The following PM20D2 variants were observed in gnomAD, a reference collection of about 807,000 sequenced individuals.
PM20D2 encodes the protein xaa-Arg dipeptidase.
Under a neutral mutation model 42.9 loss-of-function variants are expected in PM20D2, and 33 were observed. The observed-to-expected ratio is 0.77, with a 90% CI of 0.58 to 1.03. The LOEUF (loss-of-function observed/expected upper bound fraction) is 1.03. PM20D2 is among the 50% of genes least tolerant of loss of function. The pLI, the probability that PM20D2 is intolerant of heterozygous loss-of-function variation, is 0.00. For missense variants in PM20D2, 548 were observed against 557.0 expected, an observed-to-expected ratio of 0.98 and a Z score of 0.16; for synonymous variants, 250 against 228.2, an observed-to-expected ratio of 1.10 and a Z score of -0.86.
chr6:89,131,860 T>G, the PM20D2 span, among the ~76,000 whole-genome samples: 1 of 151,960 alleles, frequency 6.6e-6, no homozygotes, highest in African/African-American at 2.4e-5. Flanking sequence ...TCACTGGCCT[T>G]TTAGTGGGTT....
chr6:89,099,406 ATATATATACATATATATATGTGTG>A, the PM20D2 span, among the ~76,000 whole-genome samples: 747 of 86,768 alleles, frequency 8.6e-3, 29 homozygotes, highest in African/African-American at 0.031. Flanking sequence ...CTCTCTCCAT[ATATATATACATATATATATGTGTG>A]TATATATATA....
chr6:89,149,196 G>C (rs1466674499), intron 1 of PM20D2, 69 bp from the exon 2 acceptor site: 3 of 1,541,580 alleles, frequency 1.9e-6, no homozygotes, highest in Non-Finnish European at 2.6e-6. Context: ...TACATATGCA[G>C]GTGAACCTGT....
At chr6:89,135,027 T>C in the PM20D2 span, among the ~76,000 whole-genome samples, 1 of 150,822 alleles carries the variant, frequency 6.6e-6, no homozygotes, top group African/African-American at 2.5e-5. Context: ...AGGGTACAGG[T>C]GTGGGTCCTT....
chr6:89,099,911 G>A, the PM20D2 span, among the ~76,000 whole-genome samples: 2 of 152,148 alleles, frequency 1.3e-5, no homozygotes, highest in African/African-American at 4.8e-5. Flanking sequence ...ATCAACACAA[G>A]CAGGAAGAAC....
At chr6:89,123,906 G>A in the PM20D2 span, among the ~76,000 whole-genome samples, 1 of 152,000 alleles carries the variant, frequency 6.6e-6, no homozygotes, top group East Asian at 1.9e-4. Context: ...GCATGGTGGA[G>A]TGTGCCTGTA....
rs112975118 is a variant in PM20D2, at chr6:89,146,086, C to T, written c.-59C>T. On this transcript the variant is annotated 5_prime_UTR_variant, in exon 1 of 7. Coordinates refer to ENST00000275072, the MANE Select transcript of PM20D2 (RefSeq NM_001010853.3). ...GCCTCTGGGCGCGTGCGCGGGCGGT[C>T]GCTACCTGCGGCCGAGCCAGGGAGC... 5 of 1,345,780 alleles carry T rather than the reference C, an allele frequency of 3.7e-6. No individual in the cohort carries two copies. The highest frequency in any genetic ancestry group is 4.8e-6 in the Non-Finnish European group (5 of 1,049,124). 83.4% of individuals were successfully genotyped at this position (1,345,780 alleles called of 1,614,324 possible).
chr6:89,102,998 C>T, the PM20D2 span, among the ~76,000 whole-genome samples: 1 of 152,110 alleles, frequency 6.6e-6, no homozygotes, highest in Non-Finnish European at 1.5e-5. Context: ...AATTCCTGGA[C>T]TCAAGTGATC....
chr6:89,148,481 A>G lies in PM20D2; in HGVS notation c.466-784A>G, dbSNP rs1415991491. ...TTTGAAGCAGTTAAGCTTAAATATC[A>G]AAGTAAAATGTTTATTCTGTAAAGT... is the stretch of plus-strand genomic sequence containing the variant. On this transcript the variant is annotated intron_variant, in intron 1 of 6. Transcript: ENST00000275072. The G allele has an allele frequency of 6.6e-6, 6 of 904,292 alleles. No homozygotes were observed. The African/African-American group carries it at 1.1e-4, about 16-fold the overall frequency. The allele number at this position is 904,292 out of a possible 1,614,324, so 56.0% of individuals were successfully genotyped here. A position where few individuals can be genotyped will look rare whatever the true frequency, so the allele number is the denominator to read the frequency against.
the PM20D2 span, chr6:89,117,676 C>A: frequency 2.2e-5 from 16 of 743,134 alleles, no homozygotes; most frequent in Non-Finnish European, 3.9e-6. Context: ...TCCGAGGGCT[C>A]ACACCTCCCC....
the PM20D2 span, among the ~76,000 whole-genome samples, chr6:89,125,276 C>T: frequency 2.0e-5 from 3 of 152,074 alleles, no homozygotes; most frequent in East Asian, 1.9e-4. Context: ...GTCAGGAGAT[C>T]GAGACCATCC....
At chr6:89,134,152 T>C in the PM20D2 span, among the ~76,000 whole-genome samples, 2 of 151,192 alleles carry the variant, frequency 1.3e-5, no homozygotes, top group East Asian at 3.8e-4. Context: ...ACACATTAAA[T>C]GACAAAGGCT....
the PM20D2 span, among the ~76,000 whole-genome samples, chr6:89,124,839 A>G: frequency 6.1e-5 from 9 of 148,044 alleles, no homozygotes; most frequent in Non-Finnish European, 1.3e-4. Context: ...GGACTCAAGC[A>G]ATCCTCCCAC....
intron 4 of PM20D2, 103 bp from the exon 5 acceptor site, chr6:89,158,221 CT>C: frequency 9.9e-7 from 1 of 1,011,366 alleles, no homozygotes; most frequent in South Asian, 1.7e-5. Flanking sequence ...GGGAAAGTAT[CT>C]TCTCTTAAAA....
intron 1 of PM20D2, among the ~76,000 whole-genome samples, chr6:89,147,879 C>T (rs1448374784): frequency 1.3e-5 from 2 of 148,888 alleles, no homozygotes; most frequent in Admixed American, 6.7e-5. Flanking sequence ...GGCAACAGAG[C>T]GAGGCCTCCT....
chr6:89,125,105 G>A, the PM20D2 span, among the ~76,000 whole-genome samples: 1 of 152,132 alleles, frequency 6.6e-6, no homozygotes, highest in African/African-American at 2.4e-5. Context: ...TGACAAAAAT[G>A]TGGAGGATGA....
At chr6:89,135,056 G>T in the PM20D2 span, among the ~76,000 whole-genome samples, 4 of 150,636 alleles carry the variant, frequency 2.7e-5, no homozygotes, top group African/African-American at 5.0e-5. Context: ...ACACCTGCAG[G>T]AGCTGGTAGA....
At chr6:89,099,417 T>TATATATGTGTATATATATACACAC in the PM20D2 span, among the ~76,000 whole-genome samples, 465 of 131,710 alleles carry the variant, frequency 3.5e-3, 13 homozygotes, top group African/African-American at 0.014. Context: ...TATATATACA[T>TATATATGTGTATATATATACACAC]ATATATATGT....
intron 4 of PM20D2, 134 bp from the exon 5 acceptor site, chr6:89,158,191 G>T: frequency 1.3e-6 from 1 of 740,892 alleles, no homozygotes. Context: ...TAAGAGATTT[G>T]AGAGTGTTTA....
At chr6:89,160,014 C>G (rs1418484418) in intron 5 of PM20D2, among the ~76,000 whole-genome samples, 8 of 152,104 alleles carry the variant, frequency 5.3e-5, no homozygotes. Flanking sequence ...GCTCTAGGGT[C>G]TAGTTCCACA....
Sources: allele counts gnomAD v4.1 joint callset (sites outside exome capture counted in the v4.1 genomes callset), GRCh38; gene constraint gnomAD v4.1.1; transcripts MANE v1.5; gene names NCBI Gene and HGNC (gene_info 2026-07-23, HGNC 2026-07-21).